SRD5A1: variants seen among roughly 807,000 people sequenced by gnomAD.
SRD5A1 encodes steroid 5 alpha-reductase 1.
In SRD5A1, 22 loss-of-function variants were observed where a neutral mutation model predicts 28.2. The observed-to-expected ratio is 0.78, with a 90% CI of 0.56 to 1.12. The LOEUF (loss-of-function observed/expected upper bound fraction) is 1.12, where lower values mean the gene tolerates loss of function less well. Ranked by LOEUF, SRD5A1 falls within the 50% of genes most tolerant of loss-of-function variation. SRD5A1 has a pLI of 0.00. For synonymous variants in SRD5A1, 151 were observed against 135.0 expected (o/e 1.12, Z -0.82); for missense variants, 300 against 346.7 (o/e 0.87, Z 1.07).
chr5:6,650,763 G>A (rs1391574782), intron 1 of SRD5A1, among the ~76,000 whole-genome samples: 1 of 149,906 alleles, frequency 6.7e-6, no homozygotes, highest in Non-Finnish European at 1.5e-5. Context: ...TCTAGCATTA[G>A]GTATATCTCC....
intron 3 of SRD5A1, among the ~76,000 whole-genome samples, chr5:6,660,871 A>G (rs1738979614): frequency 6.6e-6 from 1 of 152,208 alleles, no homozygotes; most frequent in Admixed American, 6.5e-5. Flanking sequence ...CAATCATGGC[A>G]GAAGGCAAAG....
chr5:6,646,043 G>A (rs1388033115), intron 1 of SRD5A1, among the ~76,000 whole-genome samples: 4 of 151,850 alleles, frequency 2.6e-5, no homozygotes, highest in Middle Eastern at 3.4e-3. Context: ...CCCTCCCTGC[G>A]TCCATGTGTT....
At position 6,674,112 on chromosome 5, in the gene SRD5A1, TATTTA is replaced by T. The variant is rs1400358105; in HGVS notation, c.*5848_*5852del. On this transcript the variant is annotated 3_prime_UTR_variant, in exon 5 of 5. Transcript: ENST00000274192. ...AACTCTGGATTTTTATTAATAATAT[TATTTA>T]ATTAAAATGATTTATTTTACTTATT... The T allele has an allele frequency of 2.6e-5, 4 of 151,682 alleles. No individual in the cohort carries two copies. Among genetic ancestry groups the T allele is most frequent in the Admixed American group, 2.0e-4 (3 of 15,206 alleles). The allele number at this position is 151,682 out of a possible 1,614,324, so 9.4% of individuals were successfully genotyped here.
At chr5:6,634,010 C>G (rs893856799) in intron 1 of SRD5A1, 141 bp downstream of exon 1, 51 of 882,462 alleles carry the variant, frequency 5.8e-5, no homozygotes, top group Non-Finnish European at 8.2e-5. Context: ...GGGGCGTCCC[C>G]CATCTGCACG....
intron 1 of SRD5A1, among the ~76,000 whole-genome samples, chr5:6,649,549 G>A (rs144309537): frequency 0.01 from 1,563 of 152,310 alleles, 15 homozygotes; most frequent in Non-Finnish European, 0.014. Context: ...GGGCTCCATC[G>A]GCATGGGACC....
rs1579422544 is a variant in SRD5A1, at chr5:6,672,467, G to T, written c.*4199G>T. 6.6e-6 allele frequency: 1 copy of T among 152,162 alleles called. No individual in the cohort carries two copies. Among genetic ancestry groups the T allele is most frequent in the Non-Finnish European group, 1.5e-5 (1 of 68,070 alleles). 9.4% of individuals were successfully genotyped at this position (152,162 alleles called of 1,614,324 possible). On this transcript the variant is annotated 3_prime_UTR_variant, in exon 5 of 5. Coordinates refer to ENST00000274192, the MANE Select transcript of SRD5A1 (RefSeq NM_001047.4). ...ATTTTGTATTTTTAGTAGAGACAGG[G>T]TTTCACCATGTTGTCCAGGCTGGTC...
rs1738066142 is a variant in SRD5A1 at position 6,633,747 on chromosome 5, G to A, written c.171G>A (p.Val57=). 1 of 1,596,112 alleles carries A rather than the reference G, an allele frequency of 6.3e-7. No homozygotes were observed. The highest frequency in any genetic ancestry group is 1.7e-5 in the Admixed American group (1 of 59,876). The part of the protein sequence containing the change: ...RLRVPARAAW[V]VQELPSLALP... ...GAGTGCCGGCGCGGGCCGCCTGGGT[G>A]GTGCAGGAGCTGCCCTCGCTGGCCC... Residue 57 remains valine (V), a synonymous_variant, in exon 1 of 5, where the codon GTG becomes GTA. Coordinates refer to ENST00000274192, the MANE Select transcript of SRD5A1 (RefSeq NM_001047.4).
chr5:6,663,289 G>A (rs934677110), intron 4 of SRD5A1, among the ~76,000 whole-genome samples: 2 of 152,224 alleles, frequency 1.3e-5, no homozygotes, highest in African/African-American at 4.8e-5. Flanking sequence ...ATCCCTGACT[G>A]AGCAATAGCC....
chr5:6,669,271 C>T lies in SRD5A1; in HGVS notation c.*1003C>T, dbSNP rs1044236006. 6.6e-6 allele frequency: 1 copy of T among 152,302 alleles called. No individual in the cohort carries two copies. Among genetic ancestry groups the T allele is most frequent in the African/African-American group, 2.4e-5 (1 of 41,570 alleles). The allele number at this position is 152,302 out of a possible 1,614,324, so 9.4% of individuals were successfully genotyped here. ...AATAATTGTTAAAATTCTCTACAGC[C>T]TTCTTTTTCTTCCATAGCTAATCTT... On this transcript the variant is annotated 3_prime_UTR_variant, in exon 5 of 5. Coordinates refer to ENST00000274192, the MANE Select transcript of SRD5A1 (RefSeq NM_001047.4).
At chr5:6,634,288 C>T (rs375318193) in intron 1 of SRD5A1, among the ~76,000 whole-genome samples, 1 of 152,218 alleles carries the variant, frequency 6.6e-6, no homozygotes, top group South Asian at 2.1e-4. Flanking sequence ...GATCTCGCCA[C>T]TGCCCTCCAG....
intron 3 of SRD5A1, among the ~76,000 whole-genome samples, chr5:6,656,570 A>T (rs1738841925): frequency 1.3e-5 from 2 of 152,356 alleles, no homozygotes; most frequent in Admixed American, 1.3e-4. Context: ...GCATCAGTAT[A>T]CTATCAAGAA....
At chr5:6,639,418 T>C (rs184768288) in intron 1 of SRD5A1, among the ~76,000 whole-genome samples, 2 of 152,338 alleles carry the variant, frequency 1.3e-5, no homozygotes, top group East Asian at 3.9e-4. Flanking sequence ...TCTGCCCGTT[T>C]GAATAGCTGG....
intron 2 of SRD5A1, among the ~76,000 whole-genome samples, chr5:6,655,236 T>C (rs886532074): frequency 1.3e-5 from 2 of 152,260 alleles, no homozygotes; most frequent in African/African-American, 4.8e-5. Flanking sequence ...CTTTCCCATT[T>C]TAAAAAAGTA....
intron 1 of SRD5A1, among the ~76,000 whole-genome samples, chr5:6,645,980 G>A (rs1344461064): frequency 1.3e-5 from 2 of 152,158 alleles, no homozygotes; most frequent in South Asian, 2.1e-4. Flanking sequence ...TTCTCCTAAT[G>A]CTATCCTTCC....
At chr5:6,666,370 G>A (rs8192244) in intron 4 of SRD5A1, among the ~76,000 whole-genome samples, 120 of 152,252 alleles carry the variant, frequency 7.9e-4, no homozygotes, top group South Asian at 3.3e-3. Flanking sequence ...GGATGGTCTT[G>A]ATCTCCTGAC....
At chr5:6,638,560 C>G (rs1282311042) in intron 1 of SRD5A1, among the ~76,000 whole-genome samples, 4 of 152,222 alleles carry the variant, frequency 2.6e-5, no homozygotes, top group Admixed American at 2.6e-4. Flanking sequence ...AAGTTTCCTT[C>G]CACTGTTGGG....
intron 1 of SRD5A1, among the ~76,000 whole-genome samples, chr5:6,636,069 A>T (rs929272455): frequency 7.4e-6 from 1 of 135,456 alleles, no homozygotes; most frequent in African/African-American, 2.6e-5. Context: ...TTTTTTTTAA[A>T]TTGCTAGGCT....
chr5:6,666,107 A>C (rs997826361), intron 4 of SRD5A1, among the ~76,000 whole-genome samples: 1 of 152,228 alleles, frequency 6.6e-6, no homozygotes, highest in Non-Finnish European at 1.5e-5. Flanking sequence ...AAAGTATTCC[A>C]AAAGAAAACA....
chr5:6,647,496 C>T (rs1738541487), intron 1 of SRD5A1, among the ~76,000 whole-genome samples: 1 of 152,190 alleles, frequency 6.6e-6, no homozygotes, highest in Non-Finnish European at 1.5e-5. Context: ...ATAGTTACCT[C>T]TGCTTGTTGC....
Sources: gnomAD v4.1 joint callset for allele counts (sites outside exome capture counted in the v4.1 genomes callset) on GRCh38, gnomAD v4.1.1 for gene constraint, MANE v1.5 for transcripts, NCBI Gene and HGNC (gene_info 2026-07-23, HGNC 2026-07-21) for gene names.